Variants in METTL25B observed in about 807,000 individuals in gnomAD.
METTL25B encodes the protein methyltransferase like 25B.
A neutral mutation model predicts 48.4 loss-of-function variants in METTL25B; 38 were observed. The observed-to-expected ratio is 0.78, with a 90% CI of 0.61 to 1.03. The LOEUF is 1.03. Among genes scored for constraint, METTL25B ranks in the 50% least tolerant of loss-of-function variants. METTL25B has a pLI of 0.00. For synonymous variants in METTL25B, 230 were observed against 254.5 expected (o/e 0.90, Z 0.92); for missense variants, 537 against 603.7 (o/e 0.89, Z 1.16).
intron 4 of METTL25B, 23 bp downstream of exon 4, chr1:156,733,070 TG>T (rs772990039): frequency 5.0e-6 from 8 of 1,610,242 alleles, no homozygotes; most frequent in East Asian, 4.5e-5. Flanking sequence ...CTTGATGTAC[TG>T]TTTTTTTGAG....
At position 156,728,594 on chromosome 1, in the gene METTL25B, C is replaced by A. The variant is rs1334600800; in HGVS notation, c.-511C>A. 3 of 944,746 alleles carry A rather than the reference C, an allele frequency of 3.2e-6. No individual in the cohort carries two copies. In the African/African-American group the frequency reaches 5.5e-5, roughly 17 times the overall value. The allele number at this position is 944,746 out of a possible 1,614,324, so 58.5% of individuals were successfully genotyped here. On this transcript the variant is annotated 5_prime_UTR_variant, in exon 1 of 8. Transcript: ENST00000368216. The stretch of plus-strand genomic sequence containing the variant: ...CCAGTGATTCCGAGTGTGTGAGGAG[C>A]GGCAGTGGCGGCGGAGGAGGGGGCG...
Position 156,736,776 on chromosome 1 carries a change from G to C in METTL25B, c.*23G>C. The C allele has an allele frequency of 1.2e-6, 2 of 1,603,854 alleles. No homozygotes were observed. Among genetic ancestry groups the C allele is most frequent in the South Asian group, 2.2e-5 (2 of 90,730 alleles). On this transcript the variant is annotated 3_prime_UTR_variant, in exon 8 of 8. Transcript: ENST00000368216. ...TGATGCAGCCTGAGGAAACATCTCAGACCCCATCATCTGAAAGTGCCCAGA... is the reference window on the plus strand; with the variant it reads ...TGATGCAGCCTGAGGAAACATCTCACACCCCATCATCTGAAAGTGCCCAGA...
chr1:156,734,564 C>T, intron 6 of METTL25B, 71 bp downstream of exon 6: 1 of 1,435,952 alleles, frequency 7.0e-7, no homozygotes. Flanking sequence ...TGGAGTCTGG[C>T]TCTGTTGCCC....
intron 3 of METTL25B, 51 bp from the exon 4 acceptor site, chr1:156,732,934 C>T: frequency 6.6e-7 from 1 of 1,516,194 alleles, no homozygotes. Flanking sequence ...GGTGTTTGCC[C>T]CAGGAGTCAA....
intron 5 of METTL25B, 50 bp downstream of exon 5, chr1:156,733,570 G>C: frequency 1.9e-6 from 3 of 1,595,742 alleles, no homozygotes; most frequent in Non-Finnish European, 2.6e-6. Context: ...GGGCTGCTTG[G>C]CTGGAATTGA....
Position 156,728,533 on chromosome 1 carries a change from C to G in METTL25B, c.-572C>G. 1 of 985,528 alleles carries G rather than the reference C, an allele frequency of 1.0e-6. No homozygotes were observed. The highest frequency in any genetic ancestry group is 1.2e-6 in the Non-Finnish European group (1 of 829,910). The allele number at this position is 985,528 out of a possible 1,614,324, so 61.0% of individuals were successfully genotyped here. A position where few individuals can be genotyped will look rare whatever the true frequency, so the allele number is the denominator to read the frequency against. ...TTAGAACGCGCCAGAGGTCGGCGCGCGCACACCCGCACCGCCCCGACCCCA... is the reference window on the plus strand; with the variant it reads ...TTAGAACGCGCCAGAGGTCGGCGCGGGCACACCCGCACCGCCCCGACCCCA... On this transcript the variant is annotated 5_prime_UTR_variant, in exon 1 of 8. Transcript: ENST00000368216.
chr1:156,734,989 A>G (rs1649627308), intron 6 of METTL25B, among the ~76,000 whole-genome samples: 1 of 152,082 alleles, frequency 6.6e-6, no homozygotes, highest in Non-Finnish European at 1.5e-5. Flanking sequence ...GGAGACTAAC[A>G]AAGAAACATG....
At chr1:156,736,611 T>C (rs771635690) in intron 7 of METTL25B, 21 bp from the exon 8 acceptor site, 1 of 1,613,578 alleles carries the variant, frequency 6.2e-7, no homozygotes, top group Non-Finnish European at 8.5e-7. Context: ...CTTCCCCTTA[T>C]GATTAAGCCC....
intron 1 of METTL25B, among the ~76,000 whole-genome samples, chr1:156,730,990 CTCAGCTCAAATG>C (rs1179333637): frequency 6.6e-6 from 1 of 152,236 alleles, no homozygotes; most frequent in Admixed American, 6.5e-5. Flanking sequence ...TCATTCAAGT[CTCAGCTCAAATG>C]TCACCTCAGA....
rs1328442460 is a variant in METTL25B at position 156,736,756 on chromosome 1, C to T, written c.*3C>T. On this transcript the variant is annotated 3_prime_UTR_variant, in exon 8 of 8. Coordinates refer to ENST00000368216, the MANE Select transcript of METTL25B (RefSeq NM_015997.4). ...TTCTGGAGACTGAAGACAGCTGATG[C>T]AGCCTGAGGAAACATCTCAGACCCC... 1.2e-6 allele frequency: 2 copies of T among 1,610,760 alleles called. No homozygotes were observed. Among genetic ancestry groups the T allele is most frequent in the African/African-American group, 2.7e-5 (2 of 74,902 alleles).
Position 156,732,022 on chromosome 1 carries a change from T to C in METTL25B, c.143T>C (p.Leu48Pro), listed in dbSNP as rs1212625191. 1 of 1,614,012 alleles carries C rather than the reference T, an allele frequency of 6.2e-7. No individual in the cohort carries two copies. The highest frequency in any genetic ancestry group is 8.5e-7 in the Non-Finnish European group (1 of 1,180,034). Residue 48 changes from leucine to proline, a missense_variant, in exon 2 of 8, where the codon CTC (leucine) becomes CCC (proline). Physicochemically the swap from Leu to Pro is moderately conservative, Grantham distance 98 (BLOSUM62 -3). Coordinates refer to ENST00000368216, the MANE Select transcript of METTL25B (RefSeq NM_015997.4). ...EFFTDNLWDTLPCSWQEALDG... is the reference protein window; with the variant it reads ...EFFTDNLWDTPPCSWQEALDG... ...TTCACAGACAACCTATGGGACACACTCCCTTGCTCATGGCAGGAAGCATTG... is the reference window on the plus strand; with the variant it reads ...TTCACAGACAACCTATGGGACACACCCCCTTGCTCATGGCAGGAAGCATTG...
intron 4 of METTL25B, 144 bp from the exon 5 acceptor site, chr1:156,733,233 G>T: frequency 9.4e-7 from 1 of 1,058,380 alleles, no homozygotes; most frequent in Admixed American, 2.6e-5. Context: ...ACCAACTTAA[G>T]CCACACTGAT....
At chr1:156,729,565 A>G (rs1259994470) in intron 1 of METTL25B, 1 of 195,178 alleles carries the variant, frequency 5.1e-6, no homozygotes, top group Non-Finnish European at 1.0e-5. Flanking sequence ...GATCCAAGGT[A>G]ATAAAATGCG....
Position 156,733,371 on chromosome 1 carries a change from C to T in METTL25B, c.493-6C>T, listed in dbSNP as rs374105694. 3 of 1,614,074 alleles carry T rather than the reference C, an allele frequency of 1.9e-6. No individual in the cohort carries two copies. Among genetic ancestry groups the T allele is most frequent in the African/African-American group, 1.3e-5 (1 of 75,034 alleles). On this transcript the variant is annotated splice_polypyrimidine_tract_variant and splice_region_variant and intron_variant, in intron 4 of 7. Transcript: ENST00000368216. ...AGGGCTGTTTCCATCCTCCTCGTGACTCCAGGGCCATCTCTCCCGCTTCAT... is the reference window on the plus strand; with the variant it reads ...AGGGCTGTTTCCATCCTCCTCGTGATTCCAGGGCCATCTCTCCCGCTTCAT...
At chr1:156,729,999 C>A (rs753705619) in intron 1 of METTL25B, among the ~76,000 whole-genome samples, 1 of 152,204 alleles carries the variant, frequency 6.6e-6, no homozygotes, top group Non-Finnish European at 1.5e-5. Flanking sequence ...ATCCCAAATT[C>A]ATCCATTTGT....
chr1:156,733,562 G>C, intron 5 of METTL25B, 42 bp downstream of exon 5: 1 of 1,600,262 alleles, frequency 6.2e-7, no homozygotes, highest in Non-Finnish European at 8.5e-7. Context: ...AGGAGCAGGG[G>C]CTGCTTGGCT....
At position 156,728,880 on chromosome 1, in the gene METTL25B, C is replaced by T. The variant is rs1038918292; in HGVS notation, c.-225C>T. 7 of 624,330 alleles carry T rather than the reference C, an allele frequency of 1.1e-5. No homozygotes were observed. The highest frequency in any genetic ancestry group is 9.7e-5 in the African/African-American group (5 of 51,500). The allele number at this position is 624,330 out of a possible 1,614,324, so 38.7% of individuals were successfully genotyped here. A position where few individuals can be genotyped will look rare whatever the true frequency, so the allele number is the denominator to read the frequency against. On this transcript the variant is annotated 5_prime_UTR_variant, in exon 1 of 8. Transcript: ENST00000368216. ...CCGCCCTACGTGTCTCTGACGCTGA[C>T]ACCTTCTCACTGTGAAACGTCGCGA...
chr1:156,735,435 C>T (rs1170294993), intron 6 of METTL25B, among the ~76,000 whole-genome samples: 1 of 136,210 alleles, frequency 7.3e-6, no homozygotes, highest in Non-Finnish European at 1.6e-5. Flanking sequence ...TGTGGTGGCT[C>T]ATGTGTATAA....
Position 156,729,185 on chromosome 1 carries a change from C to G in METTL25B, c.81C>G (p.Leu27=), listed in dbSNP as rs1240411337. The G allele has an allele frequency of 9.3e-6, 15 of 1,611,394 alleles. No individual in the cohort carries two copies. The highest frequency in any genetic ancestry group is 1.3e-5 in the Non-Finnish European group (15 of 1,178,832). ...TTAACCTCACCCGTGTCCTGGCACTCTACCGTTCCATCTTGGATGCCTACA... is the reference window on the plus strand; with the variant it reads ...TTAACCTCACCCGTGTCCTGGCACTGTACCGTTCCATCTTGGATGCCTACA... The part of the protein sequence containing the change: ...LAVNLTRVLA[L]YRSILDAYII... The change falls in exon 1 of 8, where the codon CTC becomes CTG. Residue 27 remains leucine, a synonymous_variant. Coordinates refer to ENST00000368216, the MANE Select transcript of METTL25B (RefSeq NM_015997.4).
Sources: allele counts gnomAD v4.1 joint callset (sites outside exome capture counted in the v4.1 genomes callset), GRCh38; gene constraint gnomAD v4.1.1; transcripts MANE v1.5; gene names NCBI Gene and HGNC (gene_info 2026-07-23, HGNC 2026-07-21).